The following NINL variants were observed in gnomAD, a reference collection of about 807,000 sequenced individuals.
NINL encodes ninein like, also known as ninein-like protein.
NINL carries 153 observed loss-of-function variants against 160.3 expected under a neutral mutation model. The observed-to-expected ratio is 0.95, with a 90% CI of 0.84 to 1.09. The LOEUF is 1.09. Among genes scored for constraint, NINL ranks in the 50% least tolerant of loss-of-function variants. NINL has a pLI of 0.00. For synonymous variants in NINL, 800 were observed against 734.8 expected (o/e 1.09, Z -1.43); for missense variants, 1,829 against 1,764.0 (o/e 1.04, Z -0.66).
intron 2 of NINL, among the ~76,000 whole-genome samples, chr20:25,523,551 C>A (rs2064300603): frequency 6.6e-6 from 1 of 152,034 alleles, no homozygotes; most frequent in Non-Finnish European, 1.5e-5. Flanking sequence ...CCGCACCTGG[C>A]CTGTTTCATT....
rs148161702 is a variant in NINL, at chr20:25,491,848, T to C, written c.1311-323A>G. Among the ~76,000 whole-genome samples, 301 of 152,274 alleles carry C rather than the reference T, an allele frequency of 2.0e-3. 1 individual carries two copies. The highest frequency in any genetic ancestry group is 6.9e-3 in the African/African-American group (288 of 41,568). Reference sequence around the variant, plus strand: ...CCCTCCACCCGGTGTGCATGGCAGGTAACAGCCCTTTGATAAAGACTTTCG... The same window carrying C: ...CCCTCCACCCGGTGTGCATGGCAGGCAACAGCCCTTTGATAAAGACTTTCG... On this transcript the variant is annotated intron_variant, in intron 10 of 23. Transcript: ENST00000278886.
chr20:25,499,016 T>C (rs1268592231), intron 8 of NINL: 2 of 985,374 alleles, frequency 2.0e-6, no homozygotes, highest in African/African-American at 3.5e-5. Flanking sequence ...GCCTTGGGTA[T>C]TCCTGGCTCT....
At chr20:25,578,742 G>A (rs1213944243) in intron 1 of NINL, among the ~76,000 whole-genome samples, 1 of 149,714 alleles carries the variant, frequency 6.7e-6, no homozygotes, top group Admixed American at 6.7e-5. Context: ...GCAGTGAGCG[G>A]AGATCGCCCA....
intron 9 of NINL, 128 bp from the exon 10 acceptor site, chr20:25,496,931 G>T: frequency 8.3e-7 from 1 of 1,208,160 alleles, no homozygotes; most frequent in Non-Finnish European, 1.1e-6. Context: ...AGCGGGCACT[G>T]CTCCACCAGC....
chr20:25,569,091 G>A (rs548329949), intron 1 of NINL, among the ~76,000 whole-genome samples: 1 of 152,036 alleles, frequency 6.6e-6, no homozygotes, highest in African/African-American at 2.4e-5. Flanking sequence ...AGCCGGGCAT[G>A]GTGATGCATG....
chr20:25,542,205 T>C (rs776195922), intron 1 of NINL, among the ~76,000 whole-genome samples: 4 of 152,194 alleles, frequency 2.6e-5, no homozygotes, highest in Non-Finnish European at 5.9e-5. Flanking sequence ...GCATTCAGCC[T>C]TCCTGGGCTA....
At chr20:25,511,084 C>A (rs1440157671) in intron 4 of NINL, among the ~76,000 whole-genome samples, 1 of 152,232 alleles carries the variant, frequency 6.6e-6, no homozygotes, top group Non-Finnish European at 1.5e-5. Context: ...CTGTCCCCCT[C>A]TGCATGGTGA....
chr20:25,470,169 G>C (rs759147013), intron 17 of NINL, 74 bp from the exon 18 acceptor site: 8 of 1,195,180 alleles, frequency 6.7e-6, no homozygotes, highest in Non-Finnish European at 9.9e-6. Context: ...GCTCTGCAGC[G>C]GGGAGTCCTG....
intron 10 of NINL, among the ~76,000 whole-genome samples, chr20:25,493,006 C>T (rs1341447959): frequency 6.6e-6 from 1 of 152,158 alleles, no homozygotes; most frequent in Non-Finnish European, 1.5e-5. Flanking sequence ...GCTCTCAGGG[C>T]CACGTGGGTT....
In NINL at chr20:25,476,557, A is replaced by T. The variant is rs1034707750; in HGVS notation, c.2734T>A (p.Cys912Ser). Residue 912 changes from cysteine to serine, a missense_variant, in exon 17 of 24, where the codon TGT becomes AGT. Coordinates refer to ENST00000278886, the MANE Select transcript of NINL (RefSeq NM_025176.6). Reference sequence around the variant, plus strand: ...GGGACAATATCCCCATCCACTCCACAGGGCTGCATGCGTGACCACCTCTCT... The same window carrying T: ...GGGACAATATCCCCATCCACTCCACTGGGCTGCATGCGTGACCACCTCTCT... ...PSERWSRMQP[C>S]GVDGDIVPKE... 3 of 1,599,632 alleles carry T rather than the reference A, an allele frequency of 1.9e-6. No homozygotes were observed. In the African/African-American group the frequency reaches 4.0e-5, roughly 21 times the overall value.
chr20:25,499,289 A>G (rs2063821003), intron 8 of NINL: 2 of 942,158 alleles, frequency 2.1e-6, no homozygotes, highest in Non-Finnish European at 2.5e-6. Context: ...GAACCGCCAC[A>G]GCAGCCTGAG....
rs146222153 is a variant in NINL, at chr20:25,488,238, T to G, written c.1677+1006A>C. Reference sequence around the variant, plus strand: ...CTTCCTTGCGCTCATTCTCTTTTTTTGGGGAGGGATGGAGTCTCGCTCTGT... The same window carrying G: ...CTTCCTTGCGCTCATTCTCTTTTTTGGGGGAGGGATGGAGTCTCGCTCTGT... On this transcript the variant is annotated intron_variant, in intron 13 of 23. Coordinates refer to ENST00000278886, the MANE Select transcript of NINL (RefSeq NM_025176.6). 2.6e-3 allele frequency among the ~76,000 whole-genome samples: 393 copies of G among 152,286 alleles called. 1 individual carries two copies. Among genetic ancestry groups the G allele is most frequent in the African/African-American group, 9.3e-3 (386 of 41,568 alleles).
At position 25,496,601 on chromosome 20, in the gene NINL, C is replaced by A. The variant is rs1601147926; in HGVS notation, c.1310+62G>T. On this transcript the variant is annotated intron_variant, in intron 10 of 23. Coordinates refer to ENST00000278886, the MANE Select transcript of NINL (RefSeq NM_025176.6). ...GCCCCTGGCAGCCCTGTGTCCACTA[C>A]CTGCCCTCAAAGGGGCTGGGGAGGC... is the stretch of plus-strand genomic sequence containing the variant. 6.3e-6 allele frequency: 10 copies of A among 1,589,288 alleles called. No individual in the cohort carries two copies. In the South Asian group the frequency reaches 8.0e-5, roughly 13 times the overall value.
chr20:25,494,381 C>T (rs992236504), intron 10 of NINL, among the ~76,000 whole-genome samples: 31 of 152,030 alleles, frequency 2.0e-4, no homozygotes, highest in African/African-American at 7.0e-4. Flanking sequence ...CACATGGCAC[C>T]CCATGGGCCC....
At chr20:25,512,151 T>TA (rs1485172291) in intron 4 of NINL, among the ~76,000 whole-genome samples, 1 of 152,156 alleles carries the variant, frequency 6.6e-6, no homozygotes, top group Non-Finnish European at 1.5e-5. Context: ...CCAGGGAGCC[T>TA]GGGGGACAGG....
chr20:25,557,550 A>C (rs1437823967), intron 1 of NINL, among the ~76,000 whole-genome samples: 2 of 152,076 alleles, frequency 1.3e-5, no homozygotes, highest in Admixed American at 6.6e-5. Flanking sequence ...AAAAGGAAAA[A>C]AAAAAGAGTA....
In NINL at chr20:25,500,877, G is replaced by A. The variant is rs758293010; in HGVS notation, c.995C>T (p.Thr332Ile). The change falls in exon 8 of 24, where the codon ACC becomes ATC. Residue 332 changes from threonine (T) to isoleucine (I), a missense_variant. Thr to Ile is a moderately conservative substitution (Grantham distance 89). Coordinates refer to ENST00000278886, the MANE Select transcript of NINL (RefSeq NM_025176.6). ...CCTGCCATTCTGAATCCCCTCCTGGGTCCACATGGCCAGGACCTGATCAGG... is the reference window on the plus strand; with the variant it reads ...CCTGCCATTCTGAATCCCCTCCTGGATCCACATGGCCAGGACCTGATCAGG... ...AFPDQVLAMW[T>I]QEGIQNGREI... 6.2e-7 allele frequency: 1 copy of A among 1,614,150 alleles called. No individual in the cohort carries two copies. Among genetic ancestry groups the A allele is most frequent in the Non-Finnish European group, 8.5e-7 (1 of 1,180,024 alleles).
chr20:25,476,962 C>T lies in NINL; in HGVS notation c.2329G>A (p.Glu777Lys). The T allele has an allele frequency of 6.2e-7, 1 of 1,608,984 alleles. No homozygotes were observed. The highest frequency in any genetic ancestry group is 8.5e-7 in the Non-Finnish European group (1 of 1,179,884). The change falls in exon 17 of 24, where the codon GAG (glutamate) becomes AAG (lysine). Residue 777 changes from glutamate to lysine, a missense_variant. By Grantham distance (56) the Glu-to-Lys change is moderately conservative (BLOSUM62 1). Coordinates refer to ENST00000278886, the MANE Select transcript of NINL (RefSeq NM_025176.6). ...GPLPRGSQRSEQLELERALKL... is the reference protein window; with the variant it reads ...GPLPRGSQRSKQLELERALKL... ...AGTGCCCTCTCCAGCTCCAGCTGCT[C>T]CGACCTCTGGCTCCCGCGTGGCAGG...
intron 1 of NINL, among the ~76,000 whole-genome samples, 155 bp downstream of exon 1, chr20:25,585,300 G>A (rs1285501662): frequency 6.6e-6 from 1 of 152,206 alleles, no homozygotes; most frequent in African/African-American, 2.4e-5. Flanking sequence ...CAGCAGATGC[G>A]CCGAGTCTGC....
Sources: gnomAD v4.1 joint callset for allele counts (sites outside exome capture counted in the v4.1 genomes callset) on GRCh38, gnomAD v4.1.1 for gene constraint, MANE v1.5 for transcripts, NCBI Gene and HGNC (gene_info 2026-07-23, HGNC 2026-07-21) for gene names.